Variants in TTN observed in about 807,000 individuals in gnomAD.
TTN encodes the protein connectin.
A neutral mutation model predicts 3,223.0 loss-of-function variants in TTN; 1,525 were observed. That is an observed-to-expected ratio of 0.47 (90% CI 0.45 to 0.49). The LOEUF is 0.49. Ranked by LOEUF, TTN falls within the 20% of genes least tolerant of loss-of-function variation. TTN has a pLI of 0.00. For missense variants in TTN, 40,786 were observed against 43,424.0 expected (o/e 0.94, Z 5.40); for synonymous variants, 14,094 against 15,161.0 (o/e 0.93, Z 5.17).
Position 178,692,525 on chromosome 2 carries a change from A to G in TTN, c.31650T>C (p.Pro10550=). ...TTGGTGCTGGGGGCTCCACTTTTTT[A>G]GGGATAGGAACAGGGGCCACTTCTT... is the stretch of plus-strand genomic sequence containing the variant. The part of the protein sequence containing the change: ...APEEVAPVPI[P]KKVEPPAPKV... Residue 10550 remains proline (P), a synonymous_variant, in exon 120 of 363, where the codon CCT becomes CCC. Coordinates refer to ENST00000589042, the MANE Select transcript of TTN (RefSeq NM_001267550.2). 1 of 1,587,756 alleles carries G rather than the reference A, an allele frequency of 6.3e-7. No homozygotes were observed. Among genetic ancestry groups the G allele is most frequent in the Non-Finnish European group, 8.6e-7 (1 of 1,165,882 alleles).
At chr2:178,555,429 A>G (rs1423268576) in intron 330 of TTN, 5 of 366,510 alleles carry the variant, frequency 1.4e-5, no homozygotes, top group Admixed American at 9.1e-5. Flanking sequence ...GAAATGGGAT[A>G]TGGTAGTGAG....
Position 178,786,008 on chromosome 2 carries a change from T to C in TTN, c.2210A>G (p.Tyr737Cys), listed in dbSNP as rs748837592. 16 of 1,614,126 alleles carry C rather than the reference T, an allele frequency of 9.9e-6. No individual in the cohort carries two copies. The highest frequency in any genetic ancestry group is 1.3e-5 in the Non-Finnish European group (15 of 1,180,016). ...YAQQTTLEYG[Y>C]KERISAAKVA... ...CTTTGCGGCGGAAATGCGTTCCTTA[T>C]ATCCGTACTCCAAAGTGGTCTGCTG... The change falls in exon 14 of 363, where the codon TAT becomes TGT. Residue 737 changes from tyrosine (Y) to cysteine (C), a missense_variant. Coordinates refer to ENST00000589042, the MANE Select transcript of TTN (RefSeq NM_001267550.2).
chr2:178,590,292 A>T lies in TTN; in HGVS notation c.61433T>A (p.Leu20478His), dbSNP rs531734672. Residue 20478 changes from leucine to histidine, a missense_variant, in exon 304 of 363, where the codon CTT becomes CAT. Transcript: ENST00000589042. ...AATAACATCACGACAAGTAACATCA[A>T]GTTCTACTTCTGGAGGATGAAGGAT... Reference protein sequence around the residue: ...KDILHPPEVELDVTCRDVITV... With the variant: ...KDILHPPEVEHDVTCRDVITV... The T allele has an allele frequency of 6.4e-7, 1 of 1,570,894 alleles. No individual in the cohort carries two copies. Among genetic ancestry groups the T allele is most frequent in the Admixed American group, 1.8e-5 (1 of 55,534 alleles).
In TTN at chr2:178,584,524, A is replaced by G. The variant is rs753882887; in HGVS notation, c.65027T>C (p.Ile21676Thr). The G allele has an allele frequency of 4.3e-6, 7 of 1,613,114 alleles. No individual in the cohort carries two copies. The South Asian group carries it at 6.6e-5, about 15-fold the overall frequency. The change falls in exon 311 of 363, where the codon ATT becomes ACT. Residue 21676 changes from isoleucine to threonine, a missense_variant. Coordinates refer to ENST00000589042, the MANE Select transcript of TTN (RefSeq NM_001267550.2). ...ATCTGGTCTGTCCCAAGCAACAAAA[A>G]TACAGTCCTTGTTGACTTTGGTGAC... ...ARVTKVNKDC[I>T]FVAWDRPDSD...
intron 51 of TTN, 34 bp from the exon 52 acceptor site, chr2:178,734,640 G>A (rs2081120373): frequency 6.4e-7 from 1 of 1,561,662 alleles, no homozygotes; most frequent in Admixed American, 1.9e-5. Context: ...GTAAGTAATG[G>A]GTAATAAGTA....
chr2:178,789,219 AAAAT>A, intron 13 of TTN, 137 bp downstream of exon 13: 1 of 1,118,396 alleles, frequency 8.9e-7, no homozygotes, highest in East Asian at 2.5e-5. Flanking sequence ...AATTGTCTAA[AAAAT>A]AAATTTGGTT....
intron 78 of TTN, among the ~76,000 whole-genome samples, 162 bp from the exon 79 acceptor site, chr2:178,721,364 AAAT>A (rs1454817447): frequency 5.9e-5 from 9 of 152,034 alleles, no homozygotes; most frequent in Admixed American, 5.9e-4. Flanking sequence ...CTTTTAAGTT[AAAT>A]AATCTCATAA....
rs770088691 is a variant in TTN, at chr2:178,548,196, G to C, written c.93430C>G (p.Arg31144Gly). Residue 31144 changes from arginine (R) to glycine (G), a missense_variant, in exon 339 of 363, where the codon CGG (arginine) becomes GGG (glycine). Arg to Gly is a moderately radical substitution (Grantham distance 125, BLOSUM62 -2). Coordinates refer to ENST00000589042, the MANE Select transcript of TTN (RefSeq NM_001267550.2). This position sits in a 1 kb window ranked among gnomAD's most constrained non-coding sequence, Gnocchi z 4.3. ...ATTTCAAGCAGGTAGCCAGTGATCC[G>C]GCTGCCTCCATCGTGGTCAGGTTTA... ...WLKPDHDGGSRITGYLLEMRQ... is the reference protein window; with the variant it reads ...WLKPDHDGGSGITGYLLEMRQ... 4.3e-6 allele frequency: 7 copies of C among 1,613,780 alleles called. 1 individual carries two copies. The South Asian group carries it at 6.6e-5, about 15-fold the overall frequency.
rs551033308 is a variant in TTN, at chr2:178,572,489, C to A, written c.73643G>T (p.Gly24548Val). Residue 24548 changes from glycine (G) to valine (V), a missense_variant, in exon 326 of 363, where the codon GGT (glycine) becomes GTT (valine). Gly to Val is a moderately radical substitution (Grantham distance 109). Coordinates refer to ENST00000589042, the MANE Select transcript of TTN (RefSeq NM_001267550.2). Reference sequence around the variant, plus strand: ...AACAATATAGTTCTTGATTTTTGAACCTCCATCAAGGAGAGGTGGGTCCCA... The same window carrying A: ...AACAATATAGTTCTTGATTTTTGAAACTCCATCAAGGAGAGGTGGGTCCCA... Reference protein sequence around the residue: ...LTWDPPLLDGGSKIKNYIVEK... With the variant: ...LTWDPPLLDGVSKIKNYIVEK... The A allele has an allele frequency of 1.2e-6, 2 of 1,612,930 alleles. No individual in the cohort carries two copies. The highest frequency in any genetic ancestry group is 2.2e-5 in the East Asian group (1 of 44,720).
Position 178,776,568 on chromosome 2 carries a change from C to A in TTN, c.5296G>T (p.Val1766Phe). 1 of 1,613,278 alleles carries A rather than the reference C, an allele frequency of 6.2e-7. No individual in the cohort carries two copies. Among genetic ancestry groups the A allele is most frequent in the Non-Finnish European group, 8.5e-7 (1 of 1,180,000 alleles). Reference protein sequence around the residue: ...EFGYCSLDYGVAYSRDSGIIT... With the variant: ...EFGYCSLDYGFAYSRDSGIIT... ...ATACCACTGTCTCTAGAATATGCAA[C>A]GCCATAATCAAGGCTGCAGTACCCA... The change falls in exon 28 of 363, where the codon GTT (valine) becomes TTT (phenylalanine). Residue 1766 changes from valine to phenylalanine, a missense_variant. Physicochemically the swap from Val to Phe is conservative, Grantham distance 50 (BLOSUM62 -1). Coordinates refer to ENST00000589042, the MANE Select transcript of TTN (RefSeq NM_001267550.2).
Position 178,609,273 on chromosome 2 carries a change from A to G in TTN, c.52037T>C (p.Leu17346Pro), listed in dbSNP as rs755155531. The G allele has an allele frequency of 3.2e-6, 5 of 1,576,746 alleles. No individual in the cohort carries two copies. In the African/African-American group the frequency reaches 5.4e-5, roughly 17 times the overall value. The change falls in exon 273 of 363, where the codon CTG becomes CCG. Residue 17346 changes from leucine to proline, a missense_variant. By Grantham distance (98) the Leu-to-Pro change is moderately conservative. Transcript: ENST00000589042. ...VRDSLRPDHGLYMIKVENDHG... is the reference protein window; with the variant it reads ...VRDSLRPDHGPYMIKVENDHG... ...GTCATTTTCAACTTTGATCATATAC[A>G]GACCATGGTCAGGTCGGAGAGAATC...
Position 178,774,002 on chromosome 2 carries a change from A to C in TTN, c.7166T>G (p.Met2389Arg). The C allele has an allele frequency of 2.5e-6, 4 of 1,614,106 alleles. No homozygotes were observed. The highest frequency in any genetic ancestry group is 3.4e-6 in the Non-Finnish European group (4 of 1,179,990). ...GGGCTGCACTTCTTGGCCGTCTTTCATCCAGACGCCTTCCACACTTTCCAA... is the reference window on the plus strand; with the variant it reads ...GGGCTGCACTTCTTGGCCGTCTTTCCTCCAGACGCCTTCCACACTTTCCAA... ...VSLESVEGVW[M>R]KDGQEVQPSD... is the part of the protein sequence containing the mutation. The change falls in exon 31 of 363, where the codon ATG becomes AGG. Residue 2389 changes from methionine to arginine, a missense_variant. Physicochemically the swap from Met to Arg is moderately conservative, Grantham distance 91 (BLOSUM62 -1). Coordinates refer to ENST00000589042, the MANE Select transcript of TTN (RefSeq NM_001267550.2).
At chr2:178,792,327 A>C in intron 9 of TTN, 130 bp from the exon 10 acceptor site, 1 of 855,766 alleles carries the variant, frequency 1.2e-6, no homozygotes, top group East Asian at 2.9e-5. Flanking sequence ...ACTAAATAAA[A>C]TAAATAATCC....
Position 178,564,655 on chromosome 2 carries a change from G to C in TTN, c.81477C>G (p.Ser27159Arg). ...GAGCAACAAAGCATTCTGACACTTT[G>C]CTAGGCTTGCCAATGCCAACAATAT... ...AENIVGIGKP[S>R]KVSECFVARD... The change falls in exon 326 of 363, where the codon AGC becomes AGG. Residue 27159 changes from serine to arginine, a missense_variant. Transcript: ENST00000589042. The C allele has an allele frequency of 6.2e-7, 1 of 1,613,522 alleles. No homozygotes were observed. The highest frequency in any genetic ancestry group is 8.5e-7 in the Non-Finnish European group (1 of 1,179,686).
rs2082046250 is a variant in TTN at position 178,739,190 on chromosome 2, A to G, written c.14043T>C (p.Asn4681=). Residue 4681 remains asparagine, a synonymous_variant, in exon 48 of 363, where the codon AAT becomes AAC. Coordinates refer to ENST00000589042, the MANE Select transcript of TTN (RefSeq NM_001267550.2). ...HQGEYVCEAL[N]DSGKTATSAK... is the part of the protein sequence containing the mutation. ...CTGAAGTTGCTGTTTTTCCGCTGTCATTCAAGGCCTCACAGACATACTCTC... is the reference window on the plus strand; with the variant it reads ...CTGAAGTTGCTGTTTTTCCGCTGTCGTTCAAGGCCTCACAGACATACTCTC... The G allele has an allele frequency of 6.6e-7, 1 of 1,523,648 alleles. No individual in the cohort carries two copies. The highest frequency in any genetic ancestry group is 2.1e-5 in the Admixed American group (1 of 47,040). The allele number at this position is 1,523,648 out of a possible 1,614,324, so 94.4% of individuals were successfully genotyped here. A position where few individuals can be genotyped will look rare whatever the true frequency, so the allele number is the denominator to read the frequency against.
chr2:178,556,502 T>C (rs1701577313), intron 330 of TTN: 1 of 282,084 alleles, frequency 3.5e-6, no homozygotes, highest in Admixed American at 5.2e-5. Context: ...GTCTGTGGCT[T>C]ATTTAAGAGC....
rs774428001 is a variant in TTN, at chr2:178,541,631, A to G, written c.97493-47T>C. On this transcript the variant is annotated intron_variant, in intron 349 of 362. Transcript: ENST00000589042. ...CACGATATGGCAATATGAATACGTT[A>G]AAACAATGACTCATATATTTGTGTT... is the stretch of plus-strand genomic sequence containing the variant. The G allele has an allele frequency of 2.0e-6, 3 of 1,496,876 alleles. No individual in the cohort carries two copies. In the Admixed American group the frequency reaches 6.1e-5, roughly 31 times the overall value. The allele number at this position is 1,496,876 out of a possible 1,614,324, so 92.7% of individuals were successfully genotyped here.
Position 178,567,266 on chromosome 2 carries a change from G to C in TTN, c.78866C>G (p.Pro26289Arg). 2 of 1,606,000 alleles carry C rather than the reference G, an allele frequency of 1.2e-6. No individual in the cohort carries two copies. Among genetic ancestry groups the C allele is most frequent in the Non-Finnish European group, 1.7e-6 (2 of 1,176,468 alleles). Residue 26289 changes from proline (P) to arginine (R), a missense_variant, in exon 326 of 363, where the codon CCT (proline) becomes CGT (arginine). Physicochemically the swap from Pro to Arg is moderately radical, Grantham distance 103. Coordinates refer to ENST00000589042, the MANE Select transcript of TTN (RefSeq NM_001267550.2). ...VNVKVLDRPG[P>R]PEGPVQVTGV... ...AGTAACCTGGACTGGCCCTTCTGGAGGTCCTGGTCTATCTAATACTTTTAC... is the reference window on the plus strand; with the variant it reads ...AGTAACCTGGACTGGCCCTTCTGGACGTCCTGGTCTATCTAATACTTTTAC...
rs771186700 is a variant in TTN at position 178,733,727 on chromosome 2, C to G, written c.15662G>C (p.Gly5221Ala). The G allele has an allele frequency of 6.2e-7, 1 of 1,613,862 alleles. No homozygotes were observed. The highest frequency in any genetic ancestry group is 1.1e-5 in the South Asian group (1 of 91,086). Residue 5221 changes from glycine (G) to alanine (A), a missense_variant, in exon 53 of 363, where the codon GGT becomes GCT. Gly to Ala is a moderately conservative substitution (Grantham distance 60). Coordinates refer to ENST00000589042, the MANE Select transcript of TTN (RefSeq NM_001267550.2). The part of the protein sequence containing the change: ...DGKIKMSFSN[G>A]VAVLIIPDVQ... The stretch of plus-strand genomic sequence containing the variant: ...ATCAGGGATTATCAAGACTGCAACA[C>G]CATTGGAAAAGCTCATTTTGATTTT...
Sources: gnomAD v4.1 joint callset for allele counts (sites outside exome capture counted in the v4.1 genomes callset) on GRCh38, gnomAD v4.1.1 for gene constraint, Gnocchi (gnomAD v3.1) non-coding constraint, MANE v1.5 for transcripts, NCBI Gene and HGNC (gene_info 2026-07-23, HGNC 2026-07-21) for gene names.